SPOCK3: variants seen among roughly 807,000 people sequenced by gnomAD.
The protein encoded by SPOCK3 is SPARC (osteonectin), cwcv and kazal like domains proteoglycan 3, also known as testican-3.
Under a neutral mutation model 56.6 loss-of-function variants are expected in SPOCK3, and 30 were observed. The observed-to-expected ratio is 0.53, with a 90% CI of 0.40 to 0.72. SPOCK3 has a LOEUF of 0.72. Among genes scored for constraint, SPOCK3 ranks in the 30% least tolerant of loss-of-function variants. The pLI, the probability that SPOCK3 is intolerant of heterozygous loss-of-function variation, is 0.00. For missense variants in SPOCK3, 527 were observed against 530.0 expected, an observed-to-expected ratio of 0.99 and a Z score of 0.06; for synonymous variants, 196 against 183.3, an observed-to-expected ratio of 1.07 and a Z score of -0.56.
At chr4:167,039,832 A>C (rs1345663334) in intron 3 of SPOCK3, among the ~76,000 whole-genome samples, 1 of 152,210 alleles carries the variant, frequency 6.6e-6, no homozygotes, top group Non-Finnish European at 1.5e-5. Context: ...TATATATACC[A>C]CACAAAGTTG....
In SPOCK3 at chr4:167,182,546, CT is replaced by C. The variant is rs890701339; in HGVS notation, c.189+51438del. 2.4e-3 allele frequency among the ~76,000 whole-genome samples: 356 copies of C among 145,358 alleles called. 1 individual carries two copies. The highest frequency in any genetic ancestry group is 7.7e-3 in the African/African-American group (308 of 39,814). On this transcript the variant is annotated intron_variant, in intron 2 of 10. Transcript: ENST00000357545. ...GTGTTCGCAAAGCAGTTTTCATGTT[CT>C]TTTTTTTTTTCAAGACAAGTCTTGC...
chr4:167,004,931 T>C (rs1749317449), intron 3 of SPOCK3, among the ~76,000 whole-genome samples: 1 of 152,168 alleles, frequency 6.6e-6, no homozygotes, highest in African/African-American at 2.4e-5. Flanking sequence ...TATTCGGATC[T>C]TGTATTCCAA....
chr4:166,994,452 A>G (rs1394947286), intron 4 of SPOCK3, among the ~76,000 whole-genome samples: 2 of 152,108 alleles, frequency 1.3e-5, no homozygotes, highest in African/African-American at 4.8e-5. Context: ...TCTGACATAC[A>G]TTCTGGGCTC....
At chr4:167,016,375 CTA>C (rs1360555783) in intron 3 of SPOCK3, among the ~76,000 whole-genome samples, 1 of 151,936 alleles carries the variant, frequency 6.6e-6, no homozygotes, top group Non-Finnish European at 1.5e-5. Flanking sequence ...TAAAATGCTG[CTA>C]TATATTTTTG....
chr4:167,024,654 C>T (rs1561132269), intron 3 of SPOCK3, among the ~76,000 whole-genome samples: 2 of 152,018 alleles, frequency 1.3e-5, no homozygotes, highest in East Asian at 1.9e-4. Flanking sequence ...ATTATGCAGT[C>T]CCAAAGACAT....
At chr4:167,106,764 T>TA (rs1298831237) in intron 2 of SPOCK3, among the ~76,000 whole-genome samples, 21 of 144,682 alleles carry the variant, frequency 1.5e-4, no homozygotes, top group African/African-American at 1.5e-4. Context: ...ACCAATGAAT[T>TA]AAAAAAAAAG....
At chr4:166,963,481 T>C (rs1744373594) in intron 4 of SPOCK3, among the ~76,000 whole-genome samples, 1 of 151,254 alleles carries the variant, frequency 6.6e-6, no homozygotes, top group Admixed American at 6.6e-5. Context: ...TGAAATATAT[T>C]CAATGATTTA....
At chr4:167,000,157 A>T (rs566702402) in intron 4 of SPOCK3, among the ~76,000 whole-genome samples, 192 bp downstream of exon 4, 1 of 152,296 alleles carries the variant, frequency 6.6e-6, no homozygotes, top group Non-Finnish European at 1.5e-5. Flanking sequence ...CAAATTCTAT[A>T]ATCTGTAGTA....
chr4:166,894,214 A>G (rs1735098099), intron 5 of SPOCK3, among the ~76,000 whole-genome samples: 1 of 152,096 alleles, frequency 6.6e-6, no homozygotes, highest in Non-Finnish European at 1.5e-5. Context: ...TTGACTTCGA[A>G]AAACTTCTTT....
chr4:166,733,806 A>T lies in SPOCK3; in HGVS notation c.*1115T>A, dbSNP rs896999514. ...CAATTATGTAACAATAGAAAAAAAG[A>T]AACAAACGTATCCCATTTTCTTCAT... On this transcript the variant is annotated 3_prime_UTR_variant, in exon 11 of 11. Coordinates refer to ENST00000357545, the MANE Select transcript of SPOCK3 (RefSeq NM_001040159.2). 1 of 152,400 alleles carries T rather than the reference A, an allele frequency of 6.6e-6. No homozygotes were observed. The highest frequency in any genetic ancestry group is 1.5e-5 in the Non-Finnish European group (1 of 67,772). The allele number at this position is 152,400 out of a possible 1,614,324, so 9.4% of individuals were successfully genotyped here.
chr4:167,083,400 GTGGCTGGA>G (rs1757897763), intron 2 of SPOCK3, among the ~76,000 whole-genome samples: 1 of 152,122 alleles, frequency 6.6e-6, no homozygotes, highest in South Asian at 2.1e-4. Flanking sequence ...AAGTGTCCCT[GTGGCTGGA>G]TGAAGCCCAC....
intron 10 of SPOCK3, among the ~76,000 whole-genome samples, chr4:166,737,257 G>A (rs1252723678): frequency 6.6e-6 from 1 of 152,102 alleles, no homozygotes; most frequent in Non-Finnish European, 1.5e-5. Flanking sequence ...AATCTCTCTA[G>A]AAAATCTAAA....
chr4:167,206,016 T>C (rs1734292986), intron 2 of SPOCK3, among the ~76,000 whole-genome samples: 1 of 152,160 alleles, frequency 6.6e-6, no homozygotes, highest in African/African-American at 2.4e-5. Context: ...TTAATGTAAC[T>C]ACCTGTACAT....
rs544651049 is a variant in SPOCK3, at chr4:167,019,755, A to C, written c.236-19292T>G. ...CAAATATCACTTTTTCTTCTCCTGAACATTTCATTTTCCGACCTTCTTTTC... is the reference window on the plus strand; with the variant it reads ...CAAATATCACTTTTTCTTCTCCTGACCATTTCATTTTCCGACCTTCTTTTC... On this transcript the variant is annotated intron_variant, in intron 3 of 10. Coordinates refer to ENST00000357545, the MANE Select transcript of SPOCK3 (RefSeq NM_001040159.2). Among the ~76,000 whole-genome samples, 4 of 152,196 alleles carry C rather than the reference A, an allele frequency of 2.6e-5. No individual in the cohort carries two copies. In the South Asian group the frequency reaches 6.2e-4, roughly 24 times the overall value.
chr4:166,916,371 C>T (rs1028240311), intron 4 of SPOCK3, among the ~76,000 whole-genome samples: 5 of 152,094 alleles, frequency 3.3e-5, no homozygotes, highest in Non-Finnish European at 1.5e-5. Flanking sequence ...TATCTTCTTA[C>T]CACCTGAACT....
chr4:166,796,464 C>T (rs1449300083), intron 6 of SPOCK3, among the ~76,000 whole-genome samples: 1 of 152,110 alleles, frequency 6.6e-6, no homozygotes, highest in African/African-American at 2.4e-5. Context: ...GTATATTTAA[C>T]AAGCTGTCTC....
chr4:166,877,829 T>C (rs1185515495), intron 6 of SPOCK3, among the ~76,000 whole-genome samples: 1 of 152,222 alleles, frequency 6.6e-6, no homozygotes, highest in African/African-American at 2.4e-5. Context: ...GAAACAGTAA[T>C]AATTTTGCCA....
At chr4:167,136,655 G>C (rs1763145695) in intron 2 of SPOCK3, among the ~76,000 whole-genome samples, 1 of 152,006 alleles carries the variant, frequency 6.6e-6, no homozygotes, top group Non-Finnish European at 1.5e-5. Flanking sequence ...ATTTCGAATT[G>C]CTGGAGAGGA....
At chr4:167,113,274 T>C (rs1047945133) in intron 2 of SPOCK3, among the ~76,000 whole-genome samples, 1 of 152,208 alleles carries the variant, frequency 6.6e-6, no homozygotes, top group Non-Finnish European at 1.5e-5. Context: ...TAAATCTTTT[T>C]CTACACAGTA....
Sources: gnomAD v4.1 joint callset for allele counts (sites outside exome capture counted in the v4.1 genomes callset) on GRCh38, gnomAD v4.1.1 for gene constraint, MANE v1.5 for transcripts, NCBI Gene and HGNC (gene_info 2026-07-23, HGNC 2026-07-21) for gene names.